Variants in IPPK observed in about 807,000 individuals in gnomAD.
The protein encoded by IPPK is inositol-pentakisphosphate 2-kinase.
Under a neutral mutation model 64.6 loss-of-function variants are expected in IPPK, and 22 were observed. The ratio of observed to expected loss-of-function variants is 0.34; its 90% CI spans 0.24 to 0.49. The LOEUF is 0.49. IPPK is among the 20% of genes least tolerant of loss of function. The pLI, the probability that IPPK is intolerant of heterozygous loss-of-function variation, is 0.99. For synonymous variants in IPPK, 262 were observed against 247.2 expected, an observed-to-expected ratio of 1.06 and a Z score of -0.56; for missense variants, 532 against 630.7, an observed-to-expected ratio of 0.84 and a Z score of 1.68.
chr9:92,635,380 G>A lies in IPPK; in HGVS notation c.917-72C>T, dbSNP rs898001847. On this transcript the variant is annotated intron_variant, in intron 9 of 12. Coordinates refer to ENST00000287996, the MANE Select transcript of IPPK (RefSeq NM_022755.6). The surrounding 1 kb of genome is among the most constrained non-coding windows in gnomAD (Gnocchi z 4.4). ...AACGTGGAGGGAGACACAGGCCGGCGCAGACCGCAGGGCTCATCCTGGGCT... is the reference window on the plus strand; with the variant it reads ...AACGTGGAGGGAGACACAGGCCGGCACAGACCGCAGGGCTCATCCTGGGCT... The A allele has an allele frequency of 1.3e-4, 189 of 1,504,198 alleles. No homozygotes were observed. The highest frequency in any genetic ancestry group is 1.6e-4 in the Non-Finnish European group (176 of 1,106,974). The allele number at this position is 1,504,198 out of a possible 1,614,324, so 93.2% of individuals were successfully genotyped here. A position where few individuals can be genotyped will look rare whatever the true frequency, so the allele number is the denominator to read the frequency against.
In IPPK at chr9:92,615,896, T is replaced by C. The variant is rs752328718; in HGVS notation, c.1412A>G (p.Asn471Ser). ...YYSKTVRAKD[N>S]AVMSTRFKES... ...CTTGAACCGAGTCGACATCACGGCGTTGTCTTTGGCACGTACAGTCTTTGA... is the reference window on the plus strand; with the variant it reads ...CTTGAACCGAGTCGACATCACGGCGCTGTCTTTGGCACGTACAGTCTTTGA... Residue 471 changes from asparagine to serine, a missense_variant, in exon 13 of 13, where the codon AAC (asparagine) becomes AGC (serine). By Grantham distance (46) the Asn-to-Ser change is conservative. Transcript: ENST00000287996. The C allele has an allele frequency of 6.2e-7, 1 of 1,614,210 alleles. No homozygotes were observed. The highest frequency in any genetic ancestry group is 1.7e-5 in the Admixed American group (1 of 60,026).
chr9:92,619,515 A>C lies in IPPK; in HGVS notation c.1221T>G (p.Ile407Met), dbSNP rs778056673. The C allele has an allele frequency of 3.8e-5, 61 of 1,593,422 alleles. No homozygotes were observed. The highest frequency in any genetic ancestry group is 4.7e-5 in the Non-Finnish European group (55 of 1,170,502). The change falls in exon 12 of 13, where the codon ATT becomes ATG. Residue 407 changes from isoleucine (I) to methionine (M), a missense_variant. Ile to Met is a conservative substitution (Grantham distance 10). Transcript: ENST00000287996. ...AMTAKDCSIMIALSPCLQDAS... is the reference protein window; with the variant it reads ...AMTAKDCSIMMALSPCLQDAS... ...CATCCTGCAGACAGGGAGACAGTGC[A>C]ATCATGATGGAGCAGTCCTTGGCAG...
rs188749926 is a variant in IPPK at position 92,667,919 on chromosome 9, T to G, written c.81+1989A>C. Among the ~76,000 whole-genome samples the G allele has an allele frequency of 4.0e-5, 6 of 151,100 alleles. No individual in the cohort carries two copies. The East Asian group carries it at 1.2e-3, about 30-fold the overall frequency. ...CTCCGTCTCAAAAAAAAAGAATGAA[T>G]AGCATAGGTCTAGAACAGCCTGGTG... On this transcript the variant is annotated intron_variant, in intron 1 of 12. Coordinates refer to ENST00000287996, the MANE Select transcript of IPPK (RefSeq NM_022755.6).
intron 1 of IPPK, among the ~76,000 whole-genome samples, chr9:92,668,753 C>T (rs1852658717): frequency 6.6e-6 from 1 of 152,158 alleles, no homozygotes; most frequent in Non-Finnish European, 1.5e-5. Flanking sequence ...AGATCTTGAG[C>T]AAAGCTTGTA....
chr9:92,648,767 G>A (rs1009238743), intron 5 of IPPK, among the ~76,000 whole-genome samples: 1 of 152,320 alleles, frequency 6.6e-6, no homozygotes, highest in South Asian at 2.1e-4. Flanking sequence ...GTTGGAGGAG[G>A]GGAACAAAGG....
At chr9:92,647,996 A>C in intron 6 of IPPK, 63 bp downstream of exon 6, 2 of 1,074,958 alleles carry the variant, frequency 1.9e-6, no homozygotes, top group South Asian at 2.8e-5. Flanking sequence ...GTGTGTGTCC[A>C]TGCCTCAGCC....
intron 11 of IPPK, among the ~76,000 whole-genome samples, chr9:92,628,319 G>A (rs1356792463): frequency 1.3e-5 from 2 of 152,180 alleles, no homozygotes; most frequent in African/African-American, 4.8e-5. Flanking sequence ...AGACGAAGCT[G>A]ATTCTAAAAT....
At chr9:92,628,244 CT>C (rs974570773) in intron 11 of IPPK, among the ~76,000 whole-genome samples, 8 of 152,198 alleles carry the variant, frequency 5.3e-5, no homozygotes, top group African/African-American at 1.9e-4. Flanking sequence ...GATCAAAAGA[CT>C]TACTACCCAA....
intron 11 of IPPK, among the ~76,000 whole-genome samples, chr9:92,631,328 TG>T (rs1470772568): frequency 6.6e-6 from 1 of 151,848 alleles, no homozygotes; most frequent in Non-Finnish European, 1.5e-5. Flanking sequence ...CCCAAGTAGC[TG>T]GAACTACAGG....
intron 12 of IPPK, 40 bp from the exon 13 acceptor site, chr9:92,616,097 C>A: frequency 1.4e-6 from 2 of 1,387,498 alleles, no homozygotes; most frequent in South Asian, 1.2e-5. Context: ...CACAAGCCCC[C>A]CATTCATTTC....
At chr9:92,616,449 A>AC (rs1309232202) in intron 12 of IPPK, 2 of 164,560 alleles carry the variant, frequency 1.2e-5, no homozygotes, top group Non-Finnish European at 2.7e-5. Flanking sequence ...CTGAAAAATC[A>AC]CTTTATCATG....
chr9:92,651,244 T>G (rs989545127), intron 4 of IPPK, among the ~76,000 whole-genome samples: 2 of 152,188 alleles, frequency 1.3e-5, no homozygotes, highest in East Asian at 3.8e-4. Context: ...ACTGGCTAAT[T>G]CCACACCCTC....
chr9:92,665,342 T>G lies in IPPK; in HGVS notation c.81+4566A>C, dbSNP rs1852572886. On this transcript the variant is annotated intron_variant, in intron 1 of 12. Coordinates refer to ENST00000287996, the MANE Select transcript of IPPK (RefSeq NM_022755.6). The stretch of plus-strand genomic sequence containing the variant: ...ACGTATGTGCTTTCAGCATCCACAG[T>G]AGGAAGTATGGCCCAGTTAACAGTC... 4.6e-5 allele frequency among the ~76,000 whole-genome samples: 7 copies of G among 152,216 alleles called. No homozygotes were observed. The South Asian group carries it at 1.4e-3, about 31-fold the overall frequency.
At position 92,635,918 on chromosome 9, in the gene IPPK, G is replaced by C. The variant is rs930925479; in HGVS notation, c.917-610C>G. On this transcript the variant is annotated intron_variant, in intron 9 of 12. Coordinates refer to ENST00000287996, the MANE Select transcript of IPPK (RefSeq NM_022755.6). The surrounding 1 kb of genome is among the most constrained non-coding windows in gnomAD (Gnocchi z 4.4). The stretch of plus-strand genomic sequence containing the variant: ...TGAGCCCACACTGAGAGGCAGGTAA[G>C]ACCTGGGCTGGCGACAGGCACGAGC... 2.0e-5 allele frequency among the ~76,000 whole-genome samples: 3 copies of C among 152,122 alleles called. No homozygotes were observed. Among genetic ancestry groups the C allele is most frequent in the African/African-American group, 7.2e-5 (3 of 41,418 alleles).
At chr9:92,630,562 A>G (rs916790058) in intron 11 of IPPK, among the ~76,000 whole-genome samples, 47 of 152,334 alleles carry the variant, frequency 3.1e-4, no homozygotes, top group African/African-American at 1.1e-3. Flanking sequence ...GTTGTTACAG[A>G]AAAGAAGGAA....
intron 7 of IPPK, 108 bp from the exon 8 acceptor site, chr9:92,640,890 G>T (rs961976063): frequency 2.5e-6 from 2 of 792,310 alleles, no homozygotes; most frequent in Non-Finnish European, 4.4e-6. Context: ...CCCAGGGGCC[G>T]CTGGGAAACC....
At chr9:92,662,414 T>C (rs1454519651) in intron 1 of IPPK, among the ~76,000 whole-genome samples, 1 of 151,856 alleles carries the variant, frequency 6.6e-6, no homozygotes, top group Non-Finnish European at 1.5e-5. Flanking sequence ...TAATCCTAGC[T>C]ACTCGGGAGG....
At chr9:92,644,627 CT>C (rs981910462) in intron 6 of IPPK, among the ~76,000 whole-genome samples, 6 of 152,204 alleles carry the variant, frequency 3.9e-5, no homozygotes, top group Non-Finnish European at 8.8e-5. Context: ...AATTGTTTAA[CT>C]TCATGGTTTC....
At chr9:92,656,326 A>G (rs1202188821) in intron 3 of IPPK, 130 bp downstream of exon 3, 4 of 663,728 alleles carry the variant, frequency 6.0e-6, no homozygotes, top group Admixed American at 2.1e-5. Flanking sequence ...CAGCACAGCA[A>G]ATGAGAAACA....
Sources: allele counts gnomAD v4.1 joint callset (sites outside exome capture counted in the v4.1 genomes callset), GRCh38; gene constraint gnomAD v4.1.1; non-coding constraint Gnocchi (gnomAD v3.1); transcripts MANE v1.5; gene names NCBI Gene and HGNC (gene_info 2026-07-23, HGNC 2026-07-21).